ANKAR: variants seen among roughly 807,000 people sequenced by gnomAD.
ANKAR encodes ankyrin and armadillo repeat-containing protein.
In ANKAR, 136 loss-of-function variants were observed where a neutral mutation model predicts 146.2. The ratio of observed to expected loss-of-function variants is 0.93; its 90% CI spans 0.81 to 1.07. The LOEUF is 1.07. Ranked by LOEUF, ANKAR falls within the 50% of genes least tolerant of loss-of-function variation. The probability of loss-of-function intolerance (pLI) is 0.00; values close to 1 mark genes in which losing one functional copy is unlikely to be tolerated. For synonymous variants in ANKAR, 500 were observed against 575.8 expected, an observed-to-expected ratio of 0.87 and a Z score of 1.88; for missense variants, 1,567 against 1,679.9, an observed-to-expected ratio of 0.93 and a Z score of 1.18.
At chr2:189,737,198 T>C (rs1444060260) in intron 17 of ANKAR, among the ~76,000 whole-genome samples, 2 of 152,114 alleles carry the variant, frequency 1.3e-5, no homozygotes, top group East Asian at 3.9e-4. Flanking sequence ...TTTTTAATAT[T>C]AAAAATAAGA....
chr2:189,692,068 A>G (rs1285862418), intron 3 of ANKAR, among the ~76,000 whole-genome samples, 187 bp from the exon 4 acceptor site: 1 of 152,182 alleles, frequency 6.6e-6, no homozygotes, highest in East Asian at 1.9e-4. Context: ...GCTCAAAAAT[A>G]TATTTTAATG....
chr2:189,725,287 C>T (rs1265325976), intron 12 of ANKAR, among the ~76,000 whole-genome samples: 2 of 132,564 alleles, frequency 1.5e-5, no homozygotes, highest in Non-Finnish European at 3.2e-5. Flanking sequence ...TATACACACA[C>T]ACACACACAC....
At chr2:189,721,279 C>T (rs62185897) in intron 12 of ANKAR, among the ~76,000 whole-genome samples, 17,346 of 152,160 alleles carry the variant, frequency 0.11, 1,182 homozygotes, top group Middle Eastern at 0.17. Flanking sequence ...AGCCACCATG[C>T]CTGGCAGATA....
chr2:189,757,080 T>G (rs1038952333), intron 18 of ANKAR, among the ~76,000 whole-genome samples: 4 of 152,328 alleles, frequency 2.6e-5, no homozygotes, highest in African/African-American at 7.2e-5. Context: ...ACAATGTATT[T>G]TTGTCTATGA....
Position 189,754,137 on chromosome 2 carries a change from A to G in ANKAR, c.*585-6961A>G, listed in dbSNP as rs752386013. The G allele has an allele frequency of 1.9e-6, 3 of 1,613,016 alleles. No individual in the cohort carries two copies. In the East Asian group the frequency reaches 6.7e-5, roughly 36 times the overall value. ...CTGTTCAACTTTACTAATTAGAAATATACCTTCCTCTTTTTCCTTTTTCAT... is the reference window on the plus strand; with the variant it reads ...CTGTTCAACTTTACTAATTAGAAATGTACCTTCCTCTTTTTCCTTTTTCAT... On this transcript the variant is annotated intron_variant and NMD_transcript_variant, in intron 18 of 18. Transcript: ENST00000441800.
At chr2:189,686,046 C>G (rs1574373323) in intron 2 of ANKAR, among the ~76,000 whole-genome samples, 1 of 152,154 alleles carries the variant, frequency 6.6e-6, no homozygotes, top group African/African-American at 2.4e-5. Flanking sequence ...CACCCCAAGC[C>G]ATGAGGTTTT....
At chr2:189,676,245 T>C (rs74888651) in intron 1 of ANKAR, among the ~76,000 whole-genome samples, 5,276 of 152,306 alleles carry the variant, frequency 0.035, 107 homozygotes, top group South Asian at 0.069. Context: ...AAGCAGAACA[T>C]GGTTAATGAT....
rs764499643 is a variant in ANKAR, at chr2:189,728,691, C to A, written c.3063C>A (p.Asp1021Glu). The A allele has an allele frequency of 6.2e-7, 1 of 1,613,974 alleles. No homozygotes were observed. Among genetic ancestry groups the A allele is most frequent in the South Asian group, 1.1e-5 (1 of 91,064 alleles). Residue 1021 changes from aspartate (D) to glutamate (E), a missense_variant, in exon 15 of 23, where the codon GAC becomes GAA. Physicochemically the swap from Asp to Glu is conservative, Grantham distance 45. Coordinates refer to ENST00000684021, the MANE Select transcript of ANKAR (RefSeq NM_001378068.1). ...AAGCTGTCATAGCTCTAAGTAAGGA[C>A]AGCAGGATGCATCAAAATCAAATAT... ...GGEAVIALSKDSRMHQNQICE... is the reference protein window; with the variant it reads ...GGEAVIALSKESRMHQNQICE...
chr2:189,715,138 A>G (rs527953379), intron 10 of ANKAR, among the ~76,000 whole-genome samples: 1 of 152,242 alleles, frequency 6.6e-6, no homozygotes, highest in East Asian at 1.9e-4. Context: ...CAAAATATCA[A>G]TGAATCCAGG....
At chr2:189,717,700 A>G (rs971343517) in intron 10 of ANKAR, among the ~76,000 whole-genome samples, 31 of 152,230 alleles carry the variant, frequency 2.0e-4, no homozygotes, top group Non-Finnish European at 3.4e-4. Flanking sequence ...ATGTCCATCA[A>G]TGATAGACTG....
At position 189,738,687 on chromosome 2, in the gene ANKAR, G is replaced by A; in HGVS notation, c.3700+5G>A. The A allele has an allele frequency of 1.3e-6, 2 of 1,516,340 alleles. No individual in the cohort carries two copies. Among genetic ancestry groups the A allele is most frequent in the Non-Finnish European group, 1.8e-6 (2 of 1,105,396 alleles). The allele number at this position is 1,516,340 out of a possible 1,614,324, so 93.9% of individuals were successfully genotyped here. On this transcript the variant is annotated splice_donor_5th_base_variant and intron_variant, in intron 19 of 22. Transcript: ENST00000684021. ...CTTCTACTATTGTCTTGACAGGTAA[G>A]AAATGACTAGAAGTTAATTTTAGCC...
downstream of ANKAR, chr2:189,762,620 A>G: frequency 1.0e-6 from 1 of 985,422 alleles, no homozygotes; most frequent in South Asian, 4.7e-5. Flanking sequence ...ACGGGCGCAA[A>G]CTGGAACCGC....
At position 189,746,526 on chromosome 2, in the gene ANKAR, A is replaced by G. The variant is rs2105921231; in HGVS notation, c.4204A>G (p.Ile1402Val). ...SHNIFSFSSTITSDITNVSRP... is the reference protein window; with the variant it reads ...SHNIFSFSSTVTSDITNVSRP... Reference sequence around the variant, plus strand: ...TAATATTTTTTCTTTTTCATCTACAATTACATCAGATATCACAAATGTATC... The same window carrying G: ...TAATATTTTTTCTTTTTCATCTACAGTTACATCAGATATCACAAATGTATC... Residue 1402 changes from isoleucine to valine, a missense_variant, in exon 23 of 23, where the codon ATT (isoleucine) becomes GTT (valine). Ile to Val is a conservative substitution (Grantham distance 29). Coordinates refer to ENST00000684021, the MANE Select transcript of ANKAR (RefSeq NM_001378068.1). 1.9e-6 allele frequency: 3 copies of G among 1,613,940 alleles called. No individual in the cohort carries two copies. The highest frequency in any genetic ancestry group is 2.5e-6 in the Non-Finnish European group (3 of 1,179,896).
intron 18 of ANKAR, 119 bp downstream of exon 18, chr2:189,737,960 T>C: frequency 1.1e-6 from 1 of 925,976 alleles, no homozygotes; most frequent in Non-Finnish European, 1.5e-6. Flanking sequence ...CTTAGTACTT[T>C]GCACATAAGC....
chr2:189,676,328 A>T (rs1357038049), intron 1 of ANKAR, 128 bp from the exon 2 acceptor site: 1 of 791,304 alleles, frequency 1.3e-6, no homozygotes, highest in African/African-American at 1.7e-5. Flanking sequence ...TTAATTTGAA[A>T]ACTATAATGG....
At chr2:189,717,372 C>T (rs1039604899) in intron 10 of ANKAR, among the ~76,000 whole-genome samples, 1 of 152,046 alleles carries the variant, frequency 6.6e-6, no homozygotes, top group African/African-American at 2.4e-5. Context: ...AAATGCAAAT[C>T]AAAACAACAA....
At position 189,714,333 on chromosome 2, in the gene ANKAR, T is replaced by A. The variant is rs538352814; in HGVS notation, c.2224+3180T>A. ...ATTCTTCTCAGCACCACATCACACTTACTCCAAACCTGACCACATAGTTGG... is the reference window on the plus strand; with the variant it reads ...ATTCTTCTCAGCACCACATCACACTAACTCCAAACCTGACCACATAGTTGG... On this transcript the variant is annotated intron_variant, in intron 10 of 22. Transcript: ENST00000684021. 6.0e-4 allele frequency among the ~76,000 whole-genome samples: 92 copies of A among 152,308 alleles called. No homozygotes were observed. In the Middle Eastern group the frequency reaches 0.017, roughly 28 times the overall value.
chr2:189,716,529 G>A lies in ANKAR; in HGVS notation c.2225-3043G>A, dbSNP rs559416925. On this transcript the variant is annotated intron_variant, in intron 10 of 22. Transcript: ENST00000684021. ...GCCATACTGCCCAAGGTAATTTATA[G>A]ATTCAGTGCCATCCCCATCAAGCTA... is the stretch of plus-strand genomic sequence containing the variant. 1.9e-3 allele frequency among the ~76,000 whole-genome samples: 282 copies of A among 152,122 alleles called. 2 individuals carry two copies. In the Middle Eastern group the frequency reaches 0.02, roughly 11 times the overall value.
chr2:189,741,963 A>T (rs189544811), intron 20 of ANKAR, among the ~76,000 whole-genome samples: 1 of 152,170 alleles, frequency 6.6e-6, no homozygotes, highest in South Asian at 2.1e-4. Context: ...AGTTATTTCT[A>T]TGATTTGAAA....
Sources: gnomAD v4.1 joint callset for allele counts (sites outside exome capture counted in the v4.1 genomes callset) on GRCh38, gnomAD v4.1.1 for gene constraint, MANE v1.5 for transcripts, NCBI Gene and HGNC (gene_info 2026-07-23, HGNC 2026-07-21) for gene names.